PDE4D: variants seen among roughly 807,000 people sequenced by gnomAD.
PDE4D encodes 3',5'-cyclic-AMP phosphodiesterase 4D.
A neutral mutation model predicts 87.4 loss-of-function variants in PDE4D; 24 were observed. The ratio of observed to expected loss-of-function variants is 0.27; its 90% CI spans 0.20 to 0.39. The LOEUF is 0.39. Among genes scored for constraint, PDE4D ranks in the 10% least tolerant of loss-of-function variants. PDE4D has a pLI of 1.00. For missense variants in PDE4D, 714 were observed against 1,041.0 expected (o/e 0.69, Z 4.32); for synonymous variants, 384 against 383.2 (o/e 1.00, Z -0.02).
intron 1 of PDE4D, among the ~76,000 whole-genome samples, chr5:59,795,624 C>T: frequency 6.6e-6 from 1 of 152,114 alleles, no homozygotes; most frequent in Non-Finnish European, 1.5e-5. Context: ...TCAATCCAAT[C>T]CCCTATTGGG....
At chr5:59,505,911 C>T (rs1373493695) in intron 1 of PDE4D, among the ~76,000 whole-genome samples, 1 of 152,060 alleles carries the variant, frequency 6.6e-6, no homozygotes, top group African/African-American at 2.4e-5. Context: ...TATAAAAACA[C>T]TACATGGTAT....
chr5:59,727,050 A>C (rs1159359343), intron 1 of PDE4D, among the ~76,000 whole-genome samples: 1 of 152,076 alleles, frequency 6.6e-6, no homozygotes, highest in African/African-American at 2.4e-5. Flanking sequence ...GATATATAAT[A>C]AGGTATGATA....
intron 1 of PDE4D, among the ~76,000 whole-genome samples, chr5:59,660,375 T>C (rs921412912): frequency 6.6e-6 from 1 of 152,214 alleles, no homozygotes; most frequent in Non-Finnish European, 1.5e-5. Context: ...TTCTAAGTTT[T>C]GTTTTTATGA....
intron 1 of PDE4D, among the ~76,000 whole-genome samples, chr5:60,251,931 C>A (rs1562260171): frequency 6.6e-6 from 1 of 151,832 alleles, no homozygotes; most frequent in African/African-American, 2.4e-5. Flanking sequence ...ACAGAGGTCA[C>A]TTTTTTTCCT....
intron 1 of PDE4D, among the ~76,000 whole-genome samples, chr5:59,224,326 ACACT>A (rs1753263386): frequency 6.8e-6 from 1 of 147,704 alleles, no homozygotes; most frequent in African/African-American, 2.5e-5. Flanking sequence ...ACACACACAC[ACACT>A]GGTACAAAGA....
At position 59,891,787 on chromosome 5, in the gene PDE4D, TCACA is replaced by T. The variant is rs55796463; in HGVS notation, c.455+1377_455+1380del. On this transcript the variant is annotated intron_variant, in intron 1 of 14. Coordinates refer to ENST00000340635, the MANE Select transcript of PDE4D (RefSeq NM_001104631.2). ...TAGTGTATACAACAGAGAGACATGC[TCACA>T]CACACACACACACACAAAACTCAAA... Among the ~76,000 whole-genome samples, 14 of 150,376 alleles carry T rather than the reference TCACA, an allele frequency of 9.3e-5. No homozygotes were observed. In the South Asian group the frequency reaches 1.7e-3, roughly 18 times the overall value.
chr5:59,524,094 A>T (rs1259972938), intron 1 of PDE4D, among the ~76,000 whole-genome samples: 1 of 152,182 alleles, frequency 6.6e-6, no homozygotes, highest in African/African-American at 2.4e-5. Flanking sequence ...GTAGTGTGGC[A>T]CTACTGCAGA....
intron 1 of PDE4D, among the ~76,000 whole-genome samples, chr5:59,225,456 CT>C (rs1446851400): frequency 6.6e-6 from 1 of 151,976 alleles, no homozygotes; most frequent in Non-Finnish European, 1.5e-5. Context: ...ATATTTTGTT[CT>C]TTTTCAAGAT....
In PDE4D at chr5:59,657,849, A is replaced by G. The variant is rs917748894; in HGVS notation, c.455+235319T>C. On this transcript the variant is annotated intron_variant, in intron 1 of 14. Coordinates refer to ENST00000340635, the MANE Select transcript of PDE4D (RefSeq NM_001104631.2). ...TATAATAAGGCTTTTTCTGAATCAC[A>G]CTTTTATTGTACAAACACTGTTTAA... Among the ~76,000 whole-genome samples the G allele has an allele frequency of 2.0e-5, 3 of 152,156 alleles. No individual in the cohort carries two copies. In the South Asian group the frequency reaches 6.2e-4, roughly 31 times the overall value.
intron 1 of PDE4D, among the ~76,000 whole-genome samples, chr5:60,345,139 C>T (rs1391801699): frequency 6.6e-6 from 1 of 151,894 alleles, no homozygotes; most frequent in Non-Finnish European, 1.5e-5. Context: ...AGTTCATGTC[C>T]TTTCTAGGGA....
At chr5:59,154,723 T>C (rs1779917330) in intron 5 of PDE4D, among the ~76,000 whole-genome samples, 1 of 152,132 alleles carries the variant, frequency 6.6e-6, no homozygotes, top group Admixed American at 6.6e-5. Context: ...CTGTCTCTAC[T>C]AAAAATACAA....
At chr5:60,467,968 T>C (rs2150185251) in intron 1 of PDE4D, among the ~76,000 whole-genome samples, 1 of 152,232 alleles carries the variant, frequency 6.6e-6, no homozygotes, top group East Asian at 1.9e-4. Context: ...TACAATTTGA[T>C]GTGAGATTTG....
Position 59,189,232 on chromosome 5 carries a change from G to GTTTTTTTTTTGTTTTTTTTTTTTTTTTT in PDE4D, c.685-3971_685-3970insAAAAAAAAAAAAAAAAACAAAAAAAAAA, listed in dbSNP as rs1561662951. 3.0e-5 allele frequency among the ~76,000 whole-genome samples: 3 copies of GTTTTTTTTTTGTTTTTTTTTTTTTTTTT among 99,898 alleles called. 1 individual carries two copies. Among genetic ancestry groups the GTTTTTTTTTTGTTTTTTTTTTTTTTTTT allele is most frequent in the African/African-American group, 1.0e-4 (3 of 29,322 alleles). 65.5% of individuals were successfully genotyped at this position (99,898 alleles called of 152,430 possible). ...AAAGAGATGTAGTTGTTCCTACCCC[G>GTTTTTTTTTTGTTTTTTTTTTTTTTTTT]TTTTTTTTTTTGTTTTTTTTGTTTT... On this transcript the variant is annotated intron_variant, in intron 3 of 14. Transcript: ENST00000340635.
At chr5:59,616,952 A>G (rs7704638) in intron 1 of PDE4D, among the ~76,000 whole-genome samples, 329 of 27,064 alleles carry the variant, frequency 0.012, 5 homozygotes, top group African/African-American at 0.031. Flanking sequence ...TATATCTCCA[A>G]GATTTTAAAG....
chr5:59,007,109 G>A (rs1751777119), intron 6 of PDE4D, among the ~76,000 whole-genome samples: 1 of 152,132 alleles, frequency 6.6e-6, no homozygotes, highest in African/African-American at 2.4e-5. Flanking sequence ...TACTGTGTTT[G>A]AAATATTTAA....
intron 1 of PDE4D, among the ~76,000 whole-genome samples, chr5:60,367,390 G>A (rs1162072878): frequency 6.6e-6 from 1 of 151,116 alleles, no homozygotes; most frequent in Non-Finnish European, 1.5e-5. Context: ...GGTGGAGGTT[G>A]CAGTGAGCTG....
intron 2 of PDE4D, among the ~76,000 whole-genome samples, chr5:60,037,528 G>C (rs554001011): frequency 7.9e-4 from 120 of 152,142 alleles, no homozygotes; most frequent in Non-Finnish European, 1.5e-3. Flanking sequence ...TCATTCATTG[G>C]TTTTAATAAT....
chr5:59,704,556 A>T (rs1753099196), intron 1 of PDE4D, among the ~76,000 whole-genome samples: 1 of 152,202 alleles, frequency 6.6e-6, no homozygotes, highest in Non-Finnish European at 1.5e-5. Flanking sequence ...TGGAAACTGG[A>T]TAAAAACTGA....
intron 1 of PDE4D, chr5:59,561,056 G>A (rs988089799): frequency 1.3e-5 from 2 of 152,132 alleles, no homozygotes; most frequent in Non-Finnish European, 2.9e-5. Context: ...CAGGAAAATT[G>A]TACTTCCCTG....
Sources: gnomAD v4.1 joint callset for allele counts (sites outside exome capture counted in the v4.1 genomes callset) on GRCh38, gnomAD v4.1.1 for gene constraint, MANE v1.5 for transcripts, NCBI Gene and HGNC (gene_info 2026-07-23, HGNC 2026-07-21) for gene names.